Variants in CNDP1 observed in about 807,000 individuals in gnomAD.
CNDP1 encodes the protein carnosine dipeptidase 1.
In CNDP1, 44 loss-of-function variants were observed where a neutral mutation model predicts 58.1. The ratio of observed to expected loss-of-function variants is 0.76; its 90% CI spans 0.60 to 0.97. The LOEUF (loss-of-function observed/expected upper bound fraction) is 0.97. Among genes scored for constraint, CNDP1 ranks in the 50% least tolerant of loss-of-function variants. The pLI is 0.00. For synonymous variants in CNDP1, 254 were observed against 252.6 expected, an observed-to-expected ratio of 1.01 and a Z score of -0.05; for missense variants, 616 against 655.1, an observed-to-expected ratio of 0.94 and a Z score of 0.65.
intron 7 of CNDP1, among the ~76,000 whole-genome samples, chr18:74,572,394 T>C (rs1981501240): frequency 6.6e-6 from 1 of 152,152 alleles, no homozygotes; most frequent in Non-Finnish European, 1.5e-5. Flanking sequence ...ATATTCATAA[T>C]TTGGTGTTCT....
rs192577638 is a variant in CNDP1 at position 74,557,170 on chromosome 18, G to A, written c.153+704G>A. Among the ~76,000 whole-genome samples the A allele has an allele frequency of 5.3e-5, 8 of 151,692 alleles. No homozygotes were observed. In the East Asian group the frequency reaches 7.8e-4, roughly 15 times the overall value. On this transcript the variant is annotated intron_variant, in intron 2 of 11. Coordinates refer to ENST00000358821, the MANE Select transcript of CNDP1 (RefSeq NM_032649.6). ...TGACCTCAAGTGATCTTCCTGCCTC[G>A]GCCTCCCAAAGTGCTGGGATTGCAG...
intron 1 of CNDP1, among the ~76,000 whole-genome samples, chr18:74,538,586 C>T (rs568188479): frequency 4.6e-5 from 7 of 152,248 alleles, no homozygotes; most frequent in Admixed American, 2.6e-4. Flanking sequence ...ACAGTAGCTC[C>T]GTGGATCAGT....
intron 2 of CNDP1, 136 bp downstream of exon 2, chr18:74,556,602 G>A: frequency 1.0e-6 from 1 of 986,136 alleles, no homozygotes. Context: ...ACTGCTCATT[G>A]GGTTAAAAAT....
intron 3 of CNDP1, 128 bp from the exon 4 acceptor site, chr18:74,560,728 T>G (rs771604482): frequency 3.5e-6 from 3 of 864,498 alleles, no homozygotes; most frequent in Non-Finnish European, 5.6e-6. Context: ...ATGGGACTCA[T>G]TTTAGAGATG....
chr18:74,551,479 C>T (rs1980909098), intron 1 of CNDP1, among the ~76,000 whole-genome samples: 1 of 152,020 alleles, frequency 6.6e-6, no homozygotes, highest in African/African-American at 2.4e-5. Context: ...GATTCATGTC[C>T]AAAGTCAATG....
intron 7 of CNDP1, among the ~76,000 whole-genome samples, chr18:74,574,025 C>T (rs73478662): frequency 0.022 from 3,302 of 152,336 alleles, 121 homozygotes; most frequent in African/African-American, 0.073. Context: ...ATTTTGCTTG[C>T]CGACAGGCTG....
intron 1 of CNDP1, among the ~76,000 whole-genome samples, chr18:74,549,867 G>A (rs1002094897): frequency 9.2e-5 from 14 of 152,194 alleles, no homozygotes; most frequent in Admixed American, 8.5e-4. Context: ...CCCAGATACA[G>A]CTCAGGCCAC....
rs1326666755 is a variant in CNDP1 at position 74,587,091 on chromosome 18, A to G, written c.*2529A>G. On this transcript the variant is annotated 3_prime_UTR_variant, in exon 12 of 12. Transcript: ENST00000358821. ...AGCGCATTAAAGCGTAACTATTGTG[A>G]TAAGTTTAGGGGTTAGGAATATCAT... 3 of 152,200 alleles carry G rather than the reference A, an allele frequency of 2.0e-5. No individual in the cohort carries two copies. The highest frequency in any genetic ancestry group is 2.9e-5 in the Non-Finnish European group (2 of 68,044). 9.4% of individuals were successfully genotyped at this position (152,200 alleles called of 1,614,324 possible). A position where few individuals can be genotyped will look rare whatever the true frequency, so the allele number is the denominator to read the frequency against.
At chr18:74,577,904 T>A (rs1021344150) in intron 8 of CNDP1, 2 of 350,242 alleles carry the variant, frequency 5.7e-6, no homozygotes, top group African/African-American at 4.1e-5. Flanking sequence ...TGCCATTTGT[T>A]AACTGAAAAC....
chr18:74,567,036 T>G (rs534788807), intron 5 of CNDP1, 197 bp from the exon 6 acceptor site: 1 of 583,258 alleles, frequency 1.7e-6, no homozygotes, highest in East Asian at 3.0e-5. Flanking sequence ...GATAAACCCA[T>G]CAGATCTCAT....
chr18:74,544,928 C>G (rs371740007), intron 1 of CNDP1, among the ~76,000 whole-genome samples: 1 of 151,980 alleles, frequency 6.6e-6, no homozygotes, highest in Non-Finnish European at 1.5e-5. Flanking sequence ...ACTCAGTGTC[C>G]TCCTAAGATG....
intron 1 of CNDP1, among the ~76,000 whole-genome samples, chr18:74,551,423 A>T (rs1230354768): frequency 6.6e-6 from 1 of 151,866 alleles, no homozygotes; most frequent in African/African-American, 2.4e-5. Context: ...GAGGAACAGG[A>T]GAAAAATGGA....
chr18:74,551,379 C>CAG (rs1980903660), intron 1 of CNDP1, among the ~76,000 whole-genome samples: 1 of 151,718 alleles, frequency 6.6e-6, no homozygotes, highest in African/African-American at 2.4e-5. Context: ...CACACACACA[C>CAG]ACACACACAC....
intron 9 of CNDP1, among the ~76,000 whole-genome samples, chr18:74,579,239 C>T (rs1243707937): frequency 6.7e-6 from 1 of 148,166 alleles, no homozygotes; most frequent in Admixed American, 6.7e-5. Flanking sequence ...CCTCACCTCC[C>T]CTCTCCTTTC....
intron 1 of CNDP1, among the ~76,000 whole-genome samples, chr18:74,547,718 G>T (rs1426547361): frequency 2.0e-5 from 3 of 152,196 alleles, no homozygotes; most frequent in Non-Finnish European, 2.9e-5. Flanking sequence ...GGCAGCTGTG[G>T]GAGGAGAAAG....
intron 1 of CNDP1, among the ~76,000 whole-genome samples, chr18:74,555,962 G>T (rs978017363): frequency 5.3e-5 from 8 of 152,064 alleles, no homozygotes; most frequent in Admixed American, 4.6e-4. Context: ...AGATTTTTGC[G>T]TGTTTGTTTT....
intron 5 of CNDP1, among the ~76,000 whole-genome samples, chr18:74,566,926 C>T (rs1162084618): frequency 6.6e-6 from 1 of 152,198 alleles, no homozygotes; most frequent in Non-Finnish European, 1.5e-5. Context: ...ATAGGACTTA[C>T]AGTTCCACAT....
intron 6 of CNDP1, among the ~76,000 whole-genome samples, chr18:74,569,230 A>C (rs1981407144): frequency 6.6e-6 from 1 of 152,156 alleles, no homozygotes; most frequent in South Asian, 2.1e-4. Flanking sequence ...CTTAATGCTA[A>C]AGTGACCATA....
chr18:74,578,923 C>T (rs1164239546), intron 9 of CNDP1, among the ~76,000 whole-genome samples: 1 of 152,190 alleles, frequency 6.6e-6, no homozygotes, highest in East Asian at 1.9e-4. Context: ...AATTACCAAC[C>T]AATCATCAAT....
Sources: gnomAD v4.1 joint callset for allele counts (sites outside exome capture counted in the v4.1 genomes callset) on GRCh38, gnomAD v4.1.1 for gene constraint, MANE v1.5 for transcripts, NCBI Gene and HGNC (gene_info 2026-07-23, HGNC 2026-07-21) for gene names.